The following LRRC49 variants were observed in gnomAD, a reference collection of about 807,000 sequenced individuals.
LRRC49 encodes the protein leucine rich repeat containing 49, also known as leucine-rich repeat-containing protein 49.
A neutral mutation model predicts 83.3 loss-of-function variants in LRRC49; 50 were observed. That is an observed-to-expected ratio of 0.60 (90% CI 0.48 to 0.76). The LOEUF is 0.76. Among genes scored for constraint, LRRC49 ranks in the 30% least tolerant of loss-of-function variants. The pLI, the probability that LRRC49 is intolerant of heterozygous loss-of-function variation, is 0.00. For missense variants in LRRC49, 704 were observed against 809.1 expected, an observed-to-expected ratio of 0.87 and a Z score of 1.58; for synonymous variants, 286 against 283.3, an observed-to-expected ratio of 1.01 and a Z score of -0.10.
intron 1 of LRRC49, among the ~76,000 whole-genome samples, chr15:70,855,935 C>A (rs749330640): frequency 6.6e-6 from 1 of 152,148 alleles, no homozygotes; most frequent in Non-Finnish European, 1.5e-5. Context: ...GCAGCAGCCA[C>A]CATGCCTTCC....
intron 11 of LRRC49, among the ~76,000 whole-genome samples, chr15:70,987,421 A>C (rs1251964640): frequency 2.0e-5 from 3 of 152,114 alleles, no homozygotes; most frequent in Non-Finnish European, 4.4e-5. Context: ...GTTTATTTGC[A>C]TAGAGGTGTT....
At chr15:71,023,050 C>A (rs973862845) in intron 14 of LRRC49, among the ~76,000 whole-genome samples, 1 of 152,058 alleles carries the variant, frequency 6.6e-6, no homozygotes, top group Non-Finnish European at 1.5e-5. Context: ...TTCTAAATAA[C>A]CCACAGGTTA....
chr15:70,928,821 TC>T (rs1321574941), intron 7 of LRRC49, among the ~76,000 whole-genome samples: 2 of 152,196 alleles, frequency 1.3e-5, no homozygotes. Flanking sequence ...CGCCTTGGCC[TC>T]CCAAAGTATT....
At chr15:70,912,793 C>T (rs1210383570) in intron 6 of LRRC49, among the ~76,000 whole-genome samples, 1 of 152,146 alleles carries the variant, frequency 6.6e-6, no homozygotes, top group Non-Finnish European at 1.5e-5. Flanking sequence ...TCTCCTGCCT[C>T]AGCCTCCTGA....
intron 14 of LRRC49, among the ~76,000 whole-genome samples, chr15:71,018,361 A>G (rs1596145216): frequency 1.3e-5 from 2 of 152,140 alleles, no homozygotes; most frequent in Non-Finnish European, 2.9e-5. Flanking sequence ...TCTGTATAAG[A>G]TTAGGAATAT....
chr15:71,019,393 T>C (rs1391746060), intron 14 of LRRC49, among the ~76,000 whole-genome samples: 2 of 152,194 alleles, frequency 1.3e-5, no homozygotes, highest in Admixed American at 1.3e-4. Context: ...GAAATGGGAA[T>C]GGAGAGAATA....
rs533991796 is a variant in LRRC49, at chr15:71,049,395, C to CT, written c.1858-6dup. The stretch of plus-strand genomic sequence containing the variant: ...GTTATGATTTAATACAAAACTTTCT[C>CT]TTTTTTTTAACAGGAAATAAAGGAA... On this transcript the variant is annotated splice_polypyrimidine_tract_variant and intron_variant, in intron 15 of 15. Coordinates refer to ENST00000260382, the MANE Select transcript of LRRC49 (RefSeq NM_017691.5). 5.9e-4 allele frequency: 896 copies of CT among 1,518,362 alleles called. 1 individual carries two copies. Among genetic ancestry groups the CT allele is most frequent in the Middle Eastern group, 2.3e-3 (13 of 5,554 alleles). 94.1% of individuals were successfully genotyped at this position (1,518,362 alleles called of 1,614,324 possible).
At chr15:71,042,160 G>T (rs897785466) in intron 15 of LRRC49, among the ~76,000 whole-genome samples, 2 of 152,124 alleles carry the variant, frequency 1.3e-5, no homozygotes, top group Admixed American at 6.6e-5. Context: ...CATTCAAGGT[G>T]ATTGTGTTTT....
At chr15:70,941,796 G>A (rs553462745) in intron 8 of LRRC49, among the ~76,000 whole-genome samples, 7 of 152,202 alleles carry the variant, frequency 4.6e-5, no homozygotes, top group East Asian at 1.9e-4. Context: ...GAGTGCTACC[G>A]TGTATGCTTT....
chr15:70,941,080 G>A (rs1041535096), intron 8 of LRRC49, among the ~76,000 whole-genome samples: 1 of 152,154 alleles, frequency 6.6e-6, no homozygotes, highest in Non-Finnish European at 1.5e-5. Flanking sequence ...TAGTAAGGTG[G>A]CATATAGTGC....
At chr15:70,874,605 T>C (rs538027628) in intron 2 of LRRC49, among the ~76,000 whole-genome samples, 1 of 152,344 alleles carries the variant, frequency 6.6e-6, no homozygotes, top group South Asian at 2.1e-4. Context: ...TAATCAGTTA[T>C]GTGAGTATGG....
chr15:70,853,490 G>A (rs925477094), intron 1 of LRRC49: 5 of 160,154 alleles, frequency 3.1e-5, no homozygotes, highest in Non-Finnish European at 5.4e-5. Flanking sequence ...CCACTCGCAA[G>A]GGGAGGGGAA....
chr15:71,009,581 G>T (rs948304769), intron 12 of LRRC49: 15 of 374,212 alleles, frequency 4.0e-5, no homozygotes, highest in Admixed American at 3.1e-4. Flanking sequence ...TTTGTAGAAG[G>T]AGTCACCCAG....
At chr15:71,003,795 C>T (rs910787262) in intron 11 of LRRC49, among the ~76,000 whole-genome samples, 7 of 152,186 alleles carry the variant, frequency 4.6e-5, no homozygotes, top group Non-Finnish European at 8.8e-5. Context: ...TTACCAATGG[C>T]AGATCTGGAA....
Position 70,988,188 on chromosome 15 carries a change from C to T in LRRC49, c.1169+3931C>T, listed in dbSNP as rs1452088365. ...AGAGCTGAGTTCAATTCCTGGGTAT[C>T]CTTGTTAACTTTCTGTCTCATTGAT... On this transcript the variant is annotated intron_variant, in intron 11 of 15. Coordinates refer to ENST00000260382, the MANE Select transcript of LRRC49 (RefSeq NM_017691.5). 2.5e-3 allele frequency among the ~76,000 whole-genome samples: 373 copies of T among 151,370 alleles called. 2 individuals are homozygous for T. Among genetic ancestry groups the T allele is most frequent in the African/African-American group, 8.8e-3 (362 of 41,142 alleles).
At chr15:71,047,073 C>G (rs1474818653) in intron 15 of LRRC49, among the ~76,000 whole-genome samples, 1 of 152,180 alleles carries the variant, frequency 6.6e-6, no homozygotes, top group Non-Finnish European at 1.5e-5. Context: ...CAGTACCAAA[C>G]TGTTTTGGTT....
At chr15:70,871,332 G>A (rs2033029432) in intron 1 of LRRC49, among the ~76,000 whole-genome samples, 2 of 152,252 alleles carry the variant, frequency 1.3e-5, no homozygotes, top group Admixed American at 6.5e-5. Flanking sequence ...GAACAAAATG[G>A]AGTCTCCCAT....
At chr15:71,000,822 A>T (rs1040701940) in intron 11 of LRRC49, among the ~76,000 whole-genome samples, 1 of 151,928 alleles carries the variant, frequency 6.6e-6, no homozygotes, top group East Asian at 1.9e-4. Context: ...TTTATATCAT[A>T]TTATTAGTAG....
intron 10 of LRRC49, among the ~76,000 whole-genome samples, chr15:70,982,294 A>G (rs1278725168): frequency 6.6e-6 from 1 of 152,162 alleles, no homozygotes; most frequent in Non-Finnish European, 1.5e-5. Flanking sequence ...ACCATCAGCC[A>G]TTAACTCACT....
Sources: gnomAD v4.1 joint callset for allele counts (sites outside exome capture counted in the v4.1 genomes callset) on GRCh38, gnomAD v4.1.1 for gene constraint, MANE v1.5 for transcripts, NCBI Gene and HGNC (gene_info 2026-07-23, HGNC 2026-07-21) for gene names.